Variants in EFCAB11 observed in about 807,000 individuals in gnomAD.
The protein encoded by EFCAB11 is EF-hand calcium-binding domain-containing protein 11.
EFCAB11 carries 14 observed loss-of-function variants against 23.0 expected under a neutral mutation model. The observed-to-expected ratio is 0.61, with a 90% confidence interval of 0.40 to 0.95. The LOEUF (loss-of-function observed/expected upper bound fraction) is 0.95. EFCAB11 is among the 40% of genes least tolerant of loss of function. The probability of loss-of-function intolerance (pLI) is 0.00; values close to 1 mark genes in which losing one functional copy is unlikely to be tolerated. For synonymous variants in EFCAB11, 65 were observed against 66.6 expected (o/e 0.98, Z 0.11); for missense variants, 198 against 195.8 (o/e 1.01, Z -0.07).
chr14:89,872,560 C>A (rs1326272328), intron 5 of EFCAB11, among the ~76,000 whole-genome samples: 1 of 152,132 alleles, frequency 6.6e-6, no homozygotes, highest in Non-Finnish European at 1.5e-5. Flanking sequence ...GGTATGGAAA[C>A]AAAGTGGGAG....
rs761347716 is a variant in EFCAB11 at position 89,932,640 on chromosome 14, GA to G, written c.218-14del. ...TCGAGTAATATACCTAAAAGTTGGG[GA>G]AAAAACAATTTGTCAAAGATTATTG... On this transcript the variant is annotated splice_polypyrimidine_tract_variant and intron_variant, in intron 3 of 5. Coordinates refer to ENST00000316738, the MANE Select transcript of EFCAB11 (RefSeq NM_145231.4). 5.6e-6 allele frequency: 9 copies of G among 1,594,798 alleles called. No individual in the cohort carries two copies. The Admixed American group carries it at 8.4e-5, about 15-fold the overall frequency.
At chr14:89,894,004 G>C (rs1009714930) in intron 5 of EFCAB11, among the ~76,000 whole-genome samples, 28 of 151,756 alleles carry the variant, frequency 1.8e-4, no homozygotes, top group Non-Finnish European at 3.1e-4. Flanking sequence ...TTTTGAGACG[G>C]AGTCTCTCTC....
At chr14:89,871,304 A>G (rs1888260480) in intron 5 of EFCAB11, among the ~76,000 whole-genome samples, 1 of 152,142 alleles carries the variant, frequency 6.6e-6, no homozygotes, top group Non-Finnish European at 1.5e-5. Context: ...GCCTATGGAA[A>G]TCATAAATTT....
At chr14:89,807,648 T>A (rs537961860) in intron 5 of EFCAB11, among the ~76,000 whole-genome samples, 38 of 152,366 alleles carry the variant, frequency 2.5e-4, no homozygotes, top group African/African-American at 8.4e-4. Flanking sequence ...TTAAAAAGCA[T>A]ACTTCCTCAG....
At chr14:89,808,551 A>G (rs1886049445) in intron 5 of EFCAB11, among the ~76,000 whole-genome samples, 1 of 152,160 alleles carries the variant, frequency 6.6e-6, no homozygotes, top group East Asian at 1.9e-4. Context: ...CATTGATGCG[A>G]TGTGCATCAC....
intron 5 of EFCAB11, among the ~76,000 whole-genome samples, chr14:89,880,000 T>C (rs1296345656): frequency 7.2e-5 from 11 of 152,230 alleles, no homozygotes; most frequent in Admixed American, 7.2e-4. Context: ...CATTGGTATA[T>C]CCTCTTTTAA....
chr14:89,820,277 C>T (rs1466228753), intron 5 of EFCAB11, among the ~76,000 whole-genome samples: 1 of 151,656 alleles, frequency 6.6e-6, no homozygotes, highest in African/African-American at 2.4e-5. Context: ...TTAATAACAT[C>T]TTTCTAAAGC....
intron 5 of EFCAB11, among the ~76,000 whole-genome samples, chr14:89,810,140 G>T (rs79228418): frequency 6.6e-6 from 1 of 152,120 alleles, no homozygotes; most frequent in Non-Finnish European, 1.5e-5. Flanking sequence ...CACCTATATC[G>T]TGTTCACTGT....
intron 5 of EFCAB11, among the ~76,000 whole-genome samples, chr14:89,816,639 T>G (rs1228267431): frequency 6.6e-6 from 1 of 152,190 alleles, no homozygotes; most frequent in Non-Finnish European, 1.5e-5. Context: ...GTGGCATGTT[T>G]CCTAAAGCAA....
intron 5 of EFCAB11, among the ~76,000 whole-genome samples, chr14:89,858,792 T>C (rs964617417): frequency 6.7e-6 from 1 of 149,972 alleles, no homozygotes; most frequent in Non-Finnish European, 1.5e-5. Flanking sequence ...AATGATGAGG[T>C]TTTTGTATTC....
chr14:89,920,426 T>C (rs1889986636), intron 5 of EFCAB11, among the ~76,000 whole-genome samples: 1 of 152,120 alleles, frequency 6.6e-6, no homozygotes, highest in Non-Finnish European at 1.5e-5. Flanking sequence ...CTAACGCTGT[T>C]AAAAGAAGTG....
At chr14:89,937,919 T>TC (rs1228130252) in intron 3 of EFCAB11, 11 of 151,554 alleles carry the variant, frequency 7.3e-5, no homozygotes, top group African/African-American at 2.7e-4. Flanking sequence ...AGAAAGATTA[T>TC]TTTTTTTTAC....
intron 2 of EFCAB11, among the ~76,000 whole-genome samples, chr14:89,953,505 C>T (rs1199265485): frequency 6.6e-6 from 1 of 152,186 alleles, no homozygotes; most frequent in Non-Finnish European, 1.5e-5. Flanking sequence ...AACTTTATAC[C>T]TTTCTGCACT....
chr14:89,900,270 T>C (rs1187221734), intron 5 of EFCAB11, among the ~76,000 whole-genome samples: 2 of 152,070 alleles, frequency 1.3e-5, no homozygotes, highest in Non-Finnish European at 2.9e-5. Flanking sequence ...ATTTAAGATA[T>C]ATAAATCCAT....
chr14:89,919,805 T>C (rs1889967401), intron 5 of EFCAB11, among the ~76,000 whole-genome samples: 1 of 152,130 alleles, frequency 6.6e-6, no homozygotes, highest in African/African-American at 2.4e-5. Context: ...CTACGAGGCT[T>C]CACAGTAAGT....
At chr14:89,923,769 C>A (rs745443861) in intron 5 of EFCAB11, 18 of 985,090 alleles carry the variant, frequency 1.8e-5, no homozygotes, top group Non-Finnish European at 2.0e-5. Flanking sequence ...TTCTGAAGCA[C>A]AAAATAATGA....
intron 5 of EFCAB11, among the ~76,000 whole-genome samples, chr14:89,831,713 G>A (rs1436161151): frequency 6.6e-6 from 1 of 152,166 alleles, no homozygotes; most frequent in Non-Finnish European, 1.5e-5. Flanking sequence ...TATATTGTTA[G>A]AAGTTTTAAA....
chr14:89,924,522 G>C (rs1327930998), intron 5 of EFCAB11: 1 of 1,464,916 alleles, frequency 6.8e-7, no homozygotes, highest in Non-Finnish European at 9.0e-7. Context: ...CAATGAGATG[G>C]AGAAGGTTCC....
intron 5 of EFCAB11, among the ~76,000 whole-genome samples, chr14:89,917,252 C>T (rs1190742446): frequency 1.3e-5 from 2 of 152,102 alleles, no homozygotes; most frequent in Non-Finnish European, 2.9e-5. Context: ...TCCCCATCTT[C>T]CCCACTTCCC....
Sources: allele counts gnomAD v4.1 joint callset (sites outside exome capture counted in the v4.1 genomes callset), GRCh38; gene constraint gnomAD v4.1.1; transcripts MANE v1.5; gene names NCBI Gene and HGNC (gene_info 2026-07-23, HGNC 2026-07-21).